The following CYP19A1 variants were observed in gnomAD, a reference collection of about 807,000 sequenced individuals.
CYP19A1 encodes the protein aromatase.
Under a neutral mutation model 44.4 loss-of-function variants are expected in CYP19A1, and 32 were observed. The observed-to-expected ratio is 0.72, with a 90% CI of 0.54 to 0.97. CYP19A1 has a LOEUF of 0.97. Among genes scored for constraint, CYP19A1 ranks in the 50% least tolerant of loss-of-function variants. CYP19A1 has a pLI of 0.00. For synonymous variants in CYP19A1, 212 were observed against 215.6 expected, an observed-to-expected ratio of 0.98 and a Z score of 0.14; for missense variants, 598 against 637.8, an observed-to-expected ratio of 0.94 and a Z score of 0.67.
At chr15:51,214,891 CAGAA>C in intron 8 of CYP19A1, 175 bp downstream of exon 8, 3 of 998,862 alleles carry the variant, frequency 3.0e-6, no homozygotes, top group Non-Finnish European at 4.3e-6. Flanking sequence ...ATTAAGAACA[CAGAA>C]AGAGCTATCT....
rs28377729 is a variant in CYP19A1, at chr15:51,237,036, A to G, written c.146-27T>C. 4,706 of 1,613,916 alleles carry G rather than the reference A, an allele frequency of 2.9e-3. 149 individuals carry two copies. In the African/African-American group the frequency reaches 0.058, roughly 20 times the overall value. On this transcript the variant is annotated intron_variant, in intron 2 of 9. Coordinates refer to ENST00000396402, the MANE Select transcript of CYP19A1 (RefSeq NM_000103.4). The stretch of plus-strand genomic sequence containing the variant: ...TAGGACAGGTGTCAGAGCATAAGCA[A>G]CATCTTAGTTACACCAAAAATTGCA...
intron 1 of CYP19A1, chr15:51,278,273 G>A (rs951845959): frequency 2.6e-5 from 4 of 152,034 alleles, no homozygotes; most frequent in African/African-American, 9.7e-5. Context: ...GTAATAGATC[G>A]TAGCGTACCA....
chr15:51,226,173 T>C (rs8025374), intron 4 of CYP19A1, among the ~76,000 whole-genome samples: 19,201 of 139,926 alleles, frequency 0.14, 1,346 homozygotes, highest in Admixed American at 0.22. Flanking sequence ...TGACAGAAGG[T>C]GGGTCAGAGA....
At chr15:51,287,044 C>A (rs1265565991) in intron 1 of CYP19A1, among the ~76,000 whole-genome samples, 1 of 152,144 alleles carries the variant, frequency 6.6e-6, no homozygotes, top group Non-Finnish European at 1.5e-5. Context: ...GCAGGGTTGG[C>A]AAGAGTGGAG....
At chr15:51,211,658 A>T (rs1275655845) in intron 9 of CYP19A1, 1 of 447,290 alleles carries the variant, frequency 2.2e-6, no homozygotes, top group Non-Finnish European at 4.5e-6. Flanking sequence ...GTACTGAATT[A>T]TTTAGCATCA....
At chr15:51,219,715 T>C (rs1414222068) in intron 5 of CYP19A1, among the ~76,000 whole-genome samples, 4 of 152,244 alleles carry the variant, frequency 2.6e-5, no homozygotes. Flanking sequence ...TTGCACAGGT[T>C]TGCCAGCATC....
intron 1 of CYP19A1, among the ~76,000 whole-genome samples, chr15:51,323,040 G>A (rs940486567): frequency 3.3e-5 from 5 of 152,222 alleles, no homozygotes; most frequent in African/African-American, 1.2e-4. Context: ...GCTACAGGAA[G>A]GGCCCTGGAC....
intron 1 of CYP19A1, among the ~76,000 whole-genome samples, chr15:51,244,845 A>C (rs181560127): frequency 2.6e-5 from 4 of 152,360 alleles, no homozygotes; most frequent in Admixed American, 1.3e-4. Context: ...ATAAAGGACT[A>C]TGGCAATTCA....
At chr15:51,296,069 G>A (rs1040538468) in intron 1 of CYP19A1, among the ~76,000 whole-genome samples, 9 of 152,196 alleles carry the variant, frequency 5.9e-5, no homozygotes, top group African/African-American at 1.9e-4. Context: ...GGATGGCAGG[G>A]AGGCCAGAGA....
At chr15:51,272,030 T>C (rs1456430403) in intron 1 of CYP19A1, among the ~76,000 whole-genome samples, 5 of 152,224 alleles carry the variant, frequency 3.3e-5, no homozygotes, top group South Asian at 4.1e-4. Flanking sequence ...TGTGCCTCAG[T>C]GTGGAACTCC....
chr15:51,295,651 T>A (rs2140995013), intron 1 of CYP19A1, among the ~76,000 whole-genome samples: 1 of 152,278 alleles, frequency 6.6e-6, no homozygotes, highest in Admixed American at 6.5e-5. Flanking sequence ...GAATGGAATA[T>A]AATGGAAAAA....
At chr15:51,317,525 G>A (rs1000937640) in intron 1 of CYP19A1, among the ~76,000 whole-genome samples, 1 of 152,226 alleles carries the variant, frequency 6.6e-6, no homozygotes, top group Non-Finnish European at 1.5e-5. Context: ...GCAAGATGCT[G>A]CAGGGGATGC....
At chr15:51,316,145 G>T (rs2036422649) in intron 1 of CYP19A1, 1 of 152,072 alleles carries the variant, frequency 6.6e-6, no homozygotes, top group Non-Finnish European at 1.5e-5. Context: ...AAGGTAAGGG[G>T]AAGGACTAAT....
At chr15:51,274,057 C>T (rs1307268502) in intron 1 of CYP19A1, among the ~76,000 whole-genome samples, 1 of 152,046 alleles carries the variant, frequency 6.6e-6, no homozygotes, top group East Asian at 1.9e-4. Flanking sequence ...TTCTTCTACC[C>T]AGAATTGCCA....
chr15:51,324,394 A>G (rs1404001265), intron 1 of CYP19A1, among the ~76,000 whole-genome samples: 1 of 152,264 alleles, frequency 6.6e-6, no homozygotes, highest in Non-Finnish European at 1.5e-5. Context: ...TAACATAGAA[A>G]TAAGAGTGAA....
chr15:51,281,924 G>C (rs764351289), intron 1 of CYP19A1, among the ~76,000 whole-genome samples: 2 of 152,132 alleles, frequency 1.3e-5, no homozygotes, highest in African/African-American at 4.8e-5. Flanking sequence ...TTTTGGGATA[G>C]AAATGGAAGC....
chr15:51,223,931 G>T (rs1231463297), intron 4 of CYP19A1, among the ~76,000 whole-genome samples: 1 of 152,164 alleles, frequency 6.6e-6, no homozygotes, highest in South Asian at 2.1e-4. Context: ...TTGCCTCTGT[G>T]TTTAAAGAGC....
chr15:51,258,681 C>T (rs896322651), intron 1 of CYP19A1, among the ~76,000 whole-genome samples: 1 of 152,176 alleles, frequency 6.6e-6, no homozygotes, highest in Non-Finnish European at 1.5e-5. Context: ...CCATCTCCAA[C>T]CCCTGCGCCA....
chr15:51,259,408 T>G (rs562340753), intron 1 of CYP19A1, among the ~76,000 whole-genome samples: 1 of 152,334 alleles, frequency 6.6e-6, no homozygotes, highest in African/African-American at 2.4e-5. Context: ...TTTTCAATTC[T>G]CCAGTTTCAA....
Sources: allele counts gnomAD v4.1 joint callset (sites outside exome capture counted in the v4.1 genomes callset), GRCh38; gene constraint gnomAD v4.1.1; transcripts MANE v1.5; gene names NCBI Gene and HGNC (gene_info 2026-07-23, HGNC 2026-07-21).